Variants in USP14 observed in about 807,000 individuals in gnomAD.
USP14 encodes ubiquitin specific peptidase 14, also known as ubiquitin carboxyl-terminal hydrolase 14.
Under a neutral mutation model 76.5 loss-of-function variants are expected in USP14, and 38 were observed. The ratio of observed to expected loss-of-function variants is 0.50; its 90% CI spans 0.38 to 0.65. The LOEUF is 0.65. USP14 is among the 30% of genes least tolerant of loss of function. The pLI is 0.00. For synonymous variants in USP14, 192 were observed against 191.7 expected (o/e 1.00, Z -0.01); for missense variants, 467 against 586.5 (o/e 0.80, Z 2.10).
intron 5 of USP14, among the ~76,000 whole-genome samples, chr18:191,083 C>T (rs1910072259): frequency 6.6e-6 from 1 of 152,034 alleles, no homozygotes; most frequent in Non-Finnish European, 1.5e-5. Flanking sequence ...GATTATATAG[C>T]TAATTACATA....
chr18:204,542 T>C, intron 12 of USP14, 22 bp from the exon 13 acceptor site: 1 of 1,538,632 alleles, frequency 6.5e-7, no homozygotes, highest in Non-Finnish European at 8.8e-7. Flanking sequence ...TTTACACATG[T>C]TTTTTGTTTG....
At chr18:192,078 A>T (rs1161422196) in intron 5 of USP14, among the ~76,000 whole-genome samples, 1 of 152,376 alleles carries the variant, frequency 6.6e-6, no homozygotes, top group East Asian at 1.9e-4. Flanking sequence ...CAGTTTACAG[A>T]TGAGCAAACT....
chr18:209,984 G>T lies in USP14; in HGVS notation c.1178G>T (p.Ser393Ile), dbSNP rs959295074. The T allele has an allele frequency of 6.2e-7, 1 of 1,602,152 alleles. No homozygotes were observed. The highest frequency in any genetic ancestry group is 8.5e-7 in the Non-Finnish European group (1 of 1,176,168). Residue 393 changes from serine (S) to isoleucine (I), a missense_variant, in exon 14 of 16, where the codon AGT (serine) becomes ATT (isoleucine). Physicochemically the swap from Ser to Ile is moderately radical, Grantham distance 142. Transcript: ENST00000261601. ...NQQPNTSDKK[S>I]SPQKEVKYEP... ...TTTTCTCCTCAGAGTGACAAAAAGA[G>T]TAGTCCCCAGAAAGAAGTTAAGTAT...
intron 3 of USP14, among the ~76,000 whole-genome samples, chr18:176,878 T>A (rs1909642185): frequency 6.6e-6 from 1 of 152,092 alleles, no homozygotes; most frequent in Non-Finnish European, 1.5e-5. Context: ...CATTGTATAA[T>A]CCCTTTTCCT....
intron 5 of USP14, 74 bp from the exon 6 acceptor site, chr18:192,768 T>G: frequency 6.8e-7 from 1 of 1,465,540 alleles, no homozygotes. Flanking sequence ...AGAACTCCTT[T>G]TAACTGGTTT....
chr18:173,131 C>T (rs1203381004), intron 3 of USP14, among the ~76,000 whole-genome samples: 4 of 147,078 alleles, frequency 2.7e-5, no homozygotes, highest in East Asian at 2.0e-4. Context: ...TTCTTTGAGA[C>T]GGAGTCTCAC....
intron 5 of USP14, 117 bp downstream of exon 5, chr18:180,456 C>A: frequency 1.5e-6 from 1 of 661,962 alleles, no homozygotes; most frequent in Non-Finnish European, 2.5e-6. Flanking sequence ...TACAATTCAG[C>A]ATTTTAAAGT....
intron 3 of USP14, among the ~76,000 whole-genome samples, chr18:171,025 A>T (rs9945351): frequency 0.25 from 11,319 of 45,694 alleles, 1,109 homozygotes; most frequent in Non-Finnish European, 0.29. Context: ...AAAAAAAAAA[A>T]ATATATATAT....
At chr18:209,774 T>G (rs1326146335) in intron 13 of USP14, among the ~76,000 whole-genome samples, 197 bp from the exon 14 acceptor site, 1 of 152,154 alleles carries the variant, frequency 6.6e-6, no homozygotes, top group African/African-American at 2.4e-5. Context: ...GTAACAAGAT[T>G]TTATATTGTT....
Position 198,079 on chromosome 18 carries a change from T to A in USP14, c.708T>A (p.Pro236=). ...CCTCATCTGCATCGGCAGCGACACC[T>A]TCTAAAAAGAAAAGTTTAATCGATC... ...TDSSSASAAT[P]SKKKSLIDQF... Residue 236 remains proline, a synonymous_variant, in exon 9 of 16, where the codon CCT becomes CCA. Coordinates refer to ENST00000261601, the MANE Select transcript of USP14 (RefSeq NM_005151.4). 1 of 1,611,182 alleles carries A rather than the reference T, an allele frequency of 6.2e-7. No homozygotes were observed. Among genetic ancestry groups the A allele is most frequent in the East Asian group, 2.2e-5 (1 of 44,872 alleles).
At chr18:206,382 C>T (rs1028601288) in intron 13 of USP14, among the ~76,000 whole-genome samples, 3 of 152,024 alleles carry the variant, frequency 2.0e-5, no homozygotes, top group African/African-American at 7.2e-5. Context: ...TTGTCTTTTC[C>T]CTATTTTCTA....
chr18:191,368 T>C (rs1299985852), intron 5 of USP14, among the ~76,000 whole-genome samples: 3 of 152,218 alleles, frequency 2.0e-5, no homozygotes, highest in African/African-American at 7.2e-5. Flanking sequence ...CAATACTCTC[T>C]GTGATTTCTT....
intron 13 of USP14, among the ~76,000 whole-genome samples, chr18:206,867 C>T (rs1910542897): frequency 6.6e-6 from 1 of 152,196 alleles, no homozygotes; most frequent in African/African-American, 2.4e-5. Context: ...CGCCACTGCC[C>T]TCCAGTCTGG....
intron 5 of USP14, among the ~76,000 whole-genome samples, chr18:186,622 A>C (rs1333669174): frequency 6.6e-6 from 1 of 151,750 alleles, no homozygotes; most frequent in East Asian, 1.9e-4. Context: ...GTTTGGTGGC[A>C]GGCGCCTATA....
At chr18:203,053 T>C in intron 11 of USP14, 45 bp from the exon 12 acceptor site, 2 of 1,605,732 alleles carry the variant, frequency 1.2e-6, no homozygotes, top group Non-Finnish European at 8.5e-7. Flanking sequence ...AAAACTTGTA[T>C]GGTATTTTGA....
chr18:179,143 A>C lies in USP14; in HGVS notation c.300+106A>C, dbSNP rs533752113. ...TGAATGTCTTGAAGACTTAATCATT[A>C]ATACCAAGATAGATATTTTTAGCAG... On this transcript the variant is annotated intron_variant, in intron 4 of 15. Transcript: ENST00000261601. 39 of 699,358 alleles carry C rather than the reference A, an allele frequency of 5.6e-5. No individual in the cohort carries two copies. The African/African-American group carries it at 5.6e-4, about 10-fold the overall frequency. 43.3% of individuals were successfully genotyped at this position (699,358 alleles called of 1,614,324 possible).
At chr18:196,584 G>C in intron 6 of USP14, 53 bp from the exon 7 acceptor site, 1 of 1,535,866 alleles carries the variant, frequency 6.5e-7, no homozygotes, top group Non-Finnish European at 8.8e-7. Flanking sequence ...TTACAGTCGC[G>C]TGTATTAAAT....
chr18:192,985 T>G, intron 6 of USP14, 85 bp downstream of exon 6: 1 of 1,194,216 alleles, frequency 8.4e-7, no homozygotes, highest in Non-Finnish European at 1.2e-6. Flanking sequence ...ACAGAATGTC[T>G]TTTGTAAAAC....
In USP14 at chr18:197,663, A is replaced by G. The variant is rs1017868787; in HGVS notation, c.642A>G (p.Lys214=). 1.2e-6 allele frequency: 2 copies of G among 1,612,846 alleles called. No individual in the cohort carries two copies. The highest frequency in any genetic ancestry group is 1.7e-6 in the Non-Finnish European group (2 of 1,179,420). Residue 214 remains lysine (K), a synonymous_variant, in exon 8 of 16, where the codon AAA becomes AAG. Coordinates refer to ENST00000261601, the MANE Select transcript of USP14 (RefSeq NM_005151.4). ...AAATGATGCGAGTATTGCAACAGAAATTGGAAGCAATAGAGGATGATTCTG... is the reference window on the plus strand; with the variant it reads ...AAATGATGCGAGTATTGCAACAGAAGTTGGAAGCAATAGAGGATGATTCTG... ...WIQMMRVLQQ[K]LEAIEDDSVK...
Sources: gnomAD v4.1 joint callset for allele counts (sites outside exome capture counted in the v4.1 genomes callset) on GRCh38, gnomAD v4.1.1 for gene constraint, MANE v1.5 for transcripts, NCBI Gene and HGNC (gene_info 2026-07-23, HGNC 2026-07-21) for gene names.